Variants in MYO18A observed in about 807,000 individuals in gnomAD.
The protein encoded by MYO18A is myosin XVIIIA.
Under a neutral mutation model 235.8 loss-of-function variants are expected in MYO18A, and 78 were observed. The ratio of observed to expected loss-of-function variants is 0.33; its 90% CI spans 0.28 to 0.40. The LOEUF is 0.40. Ranked by LOEUF, MYO18A falls within the 10% of genes least tolerant of loss-of-function variation. The probability of loss-of-function intolerance (pLI) is 1.00; values close to 1 mark genes in which losing one functional copy is unlikely to be tolerated. For synonymous variants in MYO18A, 977 were observed against 1,077.8 expected (o/e 0.91, Z 1.83); for missense variants, 2,215 against 2,699.3 (o/e 0.82, Z 3.98).
chr17:29,091,952 G>A, intron 34 of MYO18A: 2 of 328,916 alleles, frequency 6.1e-6, no homozygotes, highest in East Asian at 8.1e-5. Flanking sequence ...TCAGTGGGCT[G>A]GGCAGGGGGA....
chr17:29,128,304 T>C lies in MYO18A; in HGVS notation c.1000-6051A>G, dbSNP rs184405257. The stretch of plus-strand genomic sequence containing the variant: ...CCTCTGCCTGGGGTCTCCTTGGCAT[T>C]CCCAAGCTCCTCGCTGGGCAGCACC... On this transcript the variant is annotated intron_variant, in intron 2 of 41. Transcript: ENST00000527372. The C allele has an allele frequency of 1.3e-4, 159 of 1,214,560 alleles. No homozygotes were observed. In the African/African-American group the frequency reaches 2.4e-3, roughly 19 times the overall value. The allele number at this position is 1,214,560 out of a possible 1,614,324, so 75.2% of individuals were successfully genotyped here. A position where few individuals can be genotyped will look rare whatever the true frequency, so the allele number is the denominator to read the frequency against.
intron 1 of MYO18A, among the ~76,000 whole-genome samples, chr17:29,174,356 A>T (rs947381626): frequency 1.3e-5 from 2 of 152,142 alleles, no homozygotes; most frequent in Non-Finnish European, 2.9e-5. Flanking sequence ...AAAATTTTTT[A>T]AAAGTAGCTA....
intron 1 of MYO18A, among the ~76,000 whole-genome samples, chr17:29,172,367 A>G (rs946881470): frequency 6.6e-6 from 1 of 152,102 alleles, no homozygotes; most frequent in African/African-American, 2.4e-5. Context: ...CAGGAGGCTG[A>G]GGCAGGAGAA....
intron 2 of MYO18A, among the ~76,000 whole-genome samples, chr17:29,146,799 C>G (rs2152938283): frequency 6.6e-6 from 1 of 152,322 alleles, no homozygotes; most frequent in East Asian, 1.9e-4. Context: ...GAGCCTGTAG[C>G]CGGTTCTACT....
intron 30 of MYO18A, 54 bp downstream of exon 30, chr17:29,094,596 G>A: frequency 6.3e-7 from 1 of 1,578,004 alleles, no homozygotes; most frequent in African/African-American, 1.3e-5. Context: ...TGGCTGTGGG[G>A]ATGGTGGCGG....
rs1319805117 is a variant in MYO18A, at chr17:29,166,384, C to G, written c.557G>C (p.Arg186Pro). Residue 186 changes from arginine (R) to proline (P), a missense_variant, in exon 2 of 42, where the codon CGA becomes CCA. Arg to Pro is a moderately radical substitution (Grantham distance 103). Transcript: ENST00000527372. ...AGGGGCTCGGGATCGGTGCCCTGGT[C>G]GAGGGATGCCTGGGCCAGGATGCTG... ...LVQHPGPGIP[R>P]PGHRSRAPEL... 1.2e-6 allele frequency: 2 copies of G among 1,613,462 alleles called. No homozygotes were observed. The highest frequency in any genetic ancestry group is 1.7e-5 in the Admixed American group (1 of 60,002).
chr17:29,099,802 C>A, intron 21 of MYO18A, 40 bp from the exon 22 acceptor site: 1 of 1,599,266 alleles, frequency 6.3e-7, no homozygotes, highest in East Asian at 2.2e-5. Flanking sequence ...GATACTGGGC[C>A]AGCCCAGCAG....
Position 29,120,302 on chromosome 17 carries a change from G to A in MYO18A, c.1728+314C>T, listed in dbSNP as rs569368339. Reference sequence around the variant, plus strand: ...GTCCTCTGCTAGGTGAAATCGGCCCGAGAGAAGCCCCGAGCATGAATCTCA... The same window carrying A: ...GTCCTCTGCTAGGTGAAATCGGCCCAAGAGAAGCCCCGAGCATGAATCTCA... On this transcript the variant is annotated intron_variant, in intron 7 of 41. Transcript: ENST00000527372. This position sits in a 1 kb window ranked among gnomAD's most constrained non-coding sequence, Gnocchi z 4.2. 3.2e-4 allele frequency among the ~76,000 whole-genome samples: 49 copies of A among 152,320 alleles called. No homozygotes were observed. The highest frequency in any genetic ancestry group is 8.3e-4 in the South Asian group (4 of 4,828).
intron 41 of MYO18A, chr17:29,077,138 T>C (rs2066000728): frequency 6.6e-6 from 1 of 152,268 alleles, no homozygotes; most frequent in South Asian, 2.1e-4. Flanking sequence ...TGTCTCTCTC[T>C]GCCTTGGGCT....
At chr17:29,130,375 G>A (rs2067436974) in intron 2 of MYO18A, among the ~76,000 whole-genome samples, 1 of 147,360 alleles carries the variant, frequency 6.8e-6, no homozygotes, top group Non-Finnish European at 1.5e-5. Context: ...GACTTACACA[G>A]TACTCACTAT....
intron 34 of MYO18A, chr17:29,091,442 G>A (rs1016235086): frequency 1.2e-5 from 4 of 335,354 alleles, no homozygotes; most frequent in Non-Finnish European, 2.4e-5. Context: ...GGAAATGAAT[G>A]AATCTATTAG....
chr17:29,122,322 G>C lies in MYO18A; in HGVS notation c.1000-69C>G. 3 of 1,421,896 alleles carry C rather than the reference G, an allele frequency of 2.1e-6. No homozygotes were observed. The South Asian group carries it at 3.7e-5, about 17-fold the overall frequency. 88.1% of individuals were successfully genotyped at this position (1,421,896 alleles called of 1,614,324 possible). On this transcript the variant is annotated intron_variant, in intron 2 of 41. Transcript: ENST00000527372. ...CAGGGACAAGGACAGCCGTAGAGGG[G>C]AGACAAGTGAGGGCATGGGCTTTGA...
At position 29,136,497 on chromosome 17, in the gene MYO18A, C is replaced by T. The variant is rs372982715; in HGVS notation, c.1000-14244G>A. Reference sequence around the variant, plus strand: ...TCTCTCTAGAGATTTCAGCCATTTCCAGCAACATTACTGAATATGGAGCAC... The same window carrying T: ...TCTCTCTAGAGATTTCAGCCATTTCTAGCAACATTACTGAATATGGAGCAC... On this transcript the variant is annotated intron_variant, in intron 2 of 41. Transcript: ENST00000527372. 4.6e-5 allele frequency among the ~76,000 whole-genome samples: 7 copies of T among 152,124 alleles called. No homozygotes were observed. The South Asian group carries it at 6.2e-4, about 14-fold the overall frequency.
At position 29,098,884 on chromosome 17, in the gene MYO18A, G is replaced by A. The variant is rs752915666; in HGVS notation, c.3722C>T (p.Thr1241Ile). 6.2e-7 allele frequency: 1 copy of A among 1,613,924 alleles called. No homozygotes were observed. The highest frequency in any genetic ancestry group is 8.5e-7 in the Non-Finnish European group (1 of 1,179,850). Residue 1241 changes from threonine to isoleucine, a missense_variant, in exon 23 of 42, where the codon ACC becomes ATC. By Grantham distance (89) the Thr-to-Ile change is moderately conservative. Coordinates refer to ENST00000527372, the MANE Select transcript of MYO18A (RefSeq NM_078471.4). ...TACTTCGATGAGGGGCCTCACTGTGGTAAAAAGCTTCCACCAGGGCCAGTC... is the reference window on the plus strand; with the variant it reads ...TACTTCGATGAGGGGCCTCACTGTGATAAAAAGCTTCCACCAGGGCCAGTC... The part of the protein sequence containing the change: ...VKDWPWWKLF[T>I]TVRPLIEVQL...
chr17:29,109,661 G>A lies in MYO18A; in HGVS notation c.3331+197C>T, dbSNP rs1316159523. On this transcript the variant is annotated intron_variant, in intron 19 of 41. Transcript: ENST00000527372. The surrounding 1 kb of genome is among the most constrained non-coding windows in gnomAD (Gnocchi z 4.1). ...GAATATGGAAGGGAGAGGAGGAGGC[G>A]GGGACTCTGCAGGATGGAAGGAAAT... 2.0e-5 allele frequency among the ~76,000 whole-genome samples: 3 copies of A among 152,176 alleles called. No homozygotes were observed. Among genetic ancestry groups the A allele is most frequent in the Non-Finnish European group, 2.9e-5 (2 of 68,034 alleles).
Position 29,092,441 on chromosome 17 carries a change from A to G in MYO18A, c.5089T>C (p.Phe1697Leu). Residue 1697 changes from phenylalanine (F) to leucine (L), a missense_variant, in exon 34 of 42, where the codon TTC (phenylalanine) becomes CTC (leucine). Transcript: ENST00000527372. ...GCTTTCACGGCTGCCGCACAGGTGA[A>G]CTCTGACTCCTCCAGCTGGACACAG... The part of the protein sequence containing the change: ...QLKNQLEESE[F>L]TCAAAVKARK... 6.2e-7 allele frequency: 1 copy of G among 1,611,724 alleles called. No individual in the cohort carries two copies. The highest frequency in any genetic ancestry group is 8.5e-7 in the Non-Finnish European group (1 of 1,179,708).
rs1451296344 is a variant in MYO18A at position 29,117,271 on chromosome 17, G to C, written c.2038+774C>G. ...TCCAAGCCAGGCCAAGTCCCCGAGC[G>C]CAAGTGCCAAAGCTGCAGCCCATTC... is the stretch of plus-strand genomic sequence containing the variant. On this transcript the variant is annotated intron_variant, in intron 10 of 41. Coordinates refer to ENST00000527372, the MANE Select transcript of MYO18A (RefSeq NM_078471.4). This position sits in a 1 kb window ranked among gnomAD's most constrained non-coding sequence, Gnocchi z 4.6. 6.6e-6 allele frequency among the ~76,000 whole-genome samples: 1 copy of C among 152,202 alleles called. No homozygotes were observed. Among genetic ancestry groups the C allele is most frequent in the Non-Finnish European group, 1.5e-5 (1 of 68,030 alleles).
At position 29,086,434 on chromosome 17, in the gene MYO18A, T is replaced by TC; in HGVS notation, c.5852+3dup. On this transcript the variant is annotated splice_donor_region_variant and intron_variant, in intron 39 of 41. Transcript: ENST00000527372. The stretch of plus-strand genomic sequence containing the variant: ...CTGCAGATGCCCCAGAGGCCACTTC[T>TC]CACCTGTTGATGAGGTCCTCATTCT... The TC allele has an allele frequency of 6.3e-7, 1 of 1,594,812 alleles. No homozygotes were observed. The highest frequency in any genetic ancestry group is 8.5e-7 in the Non-Finnish European group (1 of 1,170,318).
chr17:29,114,015 G>C lies in MYO18A; in HGVS notation c.2594C>G (p.Ser865Cys). ...VAAVDQASHQ[S>C]LVRSLARTDE... ...AACCCTCTCTGGAGCTCCTACCAGG[G>C]ACTGATGGGAGGCCTGGTCCACAGC... Residue 865 changes from serine (S) to cysteine (C), a missense_variant, in exon 15 of 42, where the codon TCC (serine) becomes TGC (cysteine). Transcript: ENST00000527372. 6.3e-7 allele frequency: 1 copy of C among 1,595,042 alleles called. No individual in the cohort carries two copies. The highest frequency in any genetic ancestry group is 8.5e-7 in the Non-Finnish European group (1 of 1,170,950).
Sources: gnomAD v4.1 joint callset for allele counts (sites outside exome capture counted in the v4.1 genomes callset) on GRCh38, gnomAD v4.1.1 for gene constraint, Gnocchi (gnomAD v3.1) non-coding constraint, MANE v1.5 for transcripts, NCBI Gene and HGNC (gene_info 2026-07-23, HGNC 2026-07-21) for gene names.